The following ARSJ variants were observed in gnomAD, a reference collection of about 807,000 sequenced individuals.
ARSJ encodes arylsulfatase J.
In ARSJ, 26 loss-of-function variants were observed where a neutral mutation model predicts 35.9. The observed-to-expected ratio is 0.72, with a 90% confidence interval of 0.53 to 1.00. ARSJ has a LOEUF of 1.00. ARSJ is among the 50% of genes least tolerant of loss of function. ARSJ has a pLI of 0.00. For missense variants in ARSJ, 667 were observed against 723.6 expected (o/e 0.92, Z 0.90); for synonymous variants, 294 against 267.6 (o/e 1.10, Z -0.96).
intron 1 of ARSJ, among the ~76,000 whole-genome samples, chr4:113,932,026 C>G (rs1047947708): frequency 2.6e-5 from 4 of 151,956 alleles, no homozygotes; most frequent in Admixed American, 2.0e-4. Flanking sequence ...ATTCCATGCA[C>G]TAGAAACTTA....
chr4:113,927,367 T>G (rs34051606), intron 1 of ARSJ, among the ~76,000 whole-genome samples: 8,026 of 152,272 alleles, frequency 0.053, 348 homozygotes, highest in East Asian at 0.11. Flanking sequence ...ATAAGTTTAG[T>G]GTGTTTGCTA....
At position 113,902,832 on chromosome 4, in the gene ARSJ, G is replaced by A. The variant is rs118016084; in HGVS notation, c.1242C>T (p.Pro414=). Residue 414 remains proline (P), a synonymous_variant, in exon 2 of 2, where the codon CCC becomes CCT. Transcript: ENST00000315366. Reference sequence around the variant, plus strand: ...CAATGTTATGCAAAATATCTACTCGGGGTGAGCGAAGACCCTCACTTATGG... The same window carrying A: ...CAATGTTATGCAAAATATCTACTCGAGGTGAGCGAAGACCCTCACTTATGG... ...WETISEGLRS[P]RVDILHNIDP... The A allele has an allele frequency of 1.2e-4, 199 of 1,614,064 alleles. 2 individuals carry two copies. The East Asian group carries it at 3.4e-3, about 28-fold the overall frequency.
chr4:113,943,027 C>G (rs1183753202), intron 1 of ARSJ, among the ~76,000 whole-genome samples: 1 of 152,022 alleles, frequency 6.6e-6, no homozygotes, highest in Non-Finnish European at 1.5e-5. Flanking sequence ...CCCAATACAT[C>G]TCAAACCCAA....
chr4:113,920,107 G>A (rs547031997), intron 1 of ARSJ, among the ~76,000 whole-genome samples: 72 of 152,188 alleles, frequency 4.7e-4, no homozygotes, highest in African/African-American at 1.3e-3. Flanking sequence ...GGACCTTAGA[G>A]CTGACAGTTA....
Position 113,903,491 on chromosome 4 carries a change from T to C in ARSJ, c.583A>G (p.Thr195Ala). The change falls in exon 2 of 2, where the codon ACC becomes GCC. Residue 195 changes from threonine (T) to alanine (A), a missense_variant. Coordinates refer to ENST00000315366, the MANE Select transcript of ARSJ (RefSeq NM_024590.4). ...ECMPTRRGFDTFFGSLLGSGD... is the reference protein window; with the variant it reads ...ECMPTRRGFDAFFGSLLGSGD... ...CTTCCCAAAAGGGAACCAAAAAAGG[T>C]ATCAAATCCTCTTCTGGTGGGCATG... 1 of 1,614,140 alleles carries C rather than the reference T, an allele frequency of 6.2e-7. No individual in the cohort carries two copies. Among genetic ancestry groups the C allele is most frequent in the Non-Finnish European group, 8.5e-7 (1 of 1,180,026 alleles).
At chr4:113,922,388 A>G (rs1723738269) in intron 1 of ARSJ, among the ~76,000 whole-genome samples, 1 of 152,194 alleles carries the variant, frequency 6.6e-6, no homozygotes, top group Non-Finnish European at 1.5e-5. Context: ...TATTCTAATT[A>G]TTCTTTCATG....
At chr4:113,921,461 G>T (rs72893469) in intron 1 of ARSJ, among the ~76,000 whole-genome samples, 2,229 of 152,052 alleles carry the variant, frequency 0.015, 62 homozygotes, top group South Asian at 0.06. Flanking sequence ...CTGAGAAGGG[G>T]CAAAGGCTCT....
chr4:113,910,517 C>T (rs1290549482), intron 1 of ARSJ, among the ~76,000 whole-genome samples: 3 of 152,080 alleles, frequency 2.0e-5, no homozygotes, highest in African/African-American at 7.2e-5. Flanking sequence ...AATCAAATAT[C>T]ACTTGGATAT....
intron 1 of ARSJ, among the ~76,000 whole-genome samples, chr4:113,911,261 G>GT (rs1408651459): frequency 3.3e-5 from 5 of 152,190 alleles, no homozygotes; most frequent in African/African-American, 1.2e-4. Context: ...GTCTATAGAG[G>GT]TAAGTAGGTG....
At chr4:113,976,185 A>T (rs12504027) in intron 1 of ARSJ, among the ~76,000 whole-genome samples, 91,964 of 152,062 alleles carry the variant, frequency 0.6, 28,252 homozygotes, top group East Asian at 0.83. Context: ...TTGTTAATAG[A>T]ATCAAAAGTA....
At chr4:113,951,344 A>G (rs1382548404) in intron 1 of ARSJ, among the ~76,000 whole-genome samples, 1 of 152,006 alleles carries the variant, frequency 6.6e-6, no homozygotes, top group Non-Finnish European at 1.5e-5. Flanking sequence ...ATTTCAGCCA[A>G]TCCTCATGCT....
At chr4:113,960,566 G>A (rs1401776034) in intron 1 of ARSJ, among the ~76,000 whole-genome samples, 2 of 151,832 alleles carry the variant, frequency 1.3e-5, no homozygotes, top group African/African-American at 4.8e-5. Context: ...GCTATAATTT[G>A]TAGAAAAAAA....
At chr4:113,951,021 A>T (rs1429167118) in intron 1 of ARSJ, among the ~76,000 whole-genome samples, 1 of 152,106 alleles carries the variant, frequency 6.6e-6, no homozygotes, top group Non-Finnish European at 1.5e-5. Flanking sequence ...AAATGCTTGA[A>T]GAAACAAATA....
In ARSJ at chr4:113,969,319, C is replaced by A. The variant is rs1594515540; in HGVS notation, c.398+9118G>T. Among the ~76,000 whole-genome samples, 3 of 151,822 alleles carry A rather than the reference C, an allele frequency of 2.0e-5. No individual in the cohort carries two copies. The East Asian group carries it at 5.8e-4, about 29-fold the overall frequency. ...AACAATATCATGCAGAACACCATGCCAGATAAAATATATTAAAATTAAAAC... is the reference window on the plus strand; with the variant it reads ...AACAATATCATGCAGAACACCATGCAAGATAAAATATATTAAAATTAAAAC... On this transcript the variant is annotated intron_variant, in intron 1 of 1. Transcript: ENST00000315366.
chr4:113,963,344 AC>A (rs1199848122), intron 1 of ARSJ, among the ~76,000 whole-genome samples: 2 of 152,000 alleles, frequency 1.3e-5, no homozygotes, highest in Non-Finnish European at 2.9e-5. Context: ...TCACAGTTCC[AC>A]CTGGCTGGGG....
rs570722386 is a variant in ARSJ at position 113,936,159 on chromosome 4, C to T, written c.399-32484G>A. Reference sequence around the variant, plus strand: ...TATTGTTCATGTATTGTACAGTGCCCGATGCATAGTGTAACTCAAATGGTG... The same window carrying T: ...TATTGTTCATGTATTGTACAGTGCCTGATGCATAGTGTAACTCAAATGGTG... On this transcript the variant is annotated intron_variant, in intron 1 of 1. Transcript: ENST00000315366. 2.5e-3 allele frequency among the ~76,000 whole-genome samples: 384 copies of T among 151,814 alleles called. 3 individuals carry two copies. Among genetic ancestry groups the T allele is most frequent in the Non-Finnish European group, 4.1e-3 (278 of 67,874 alleles).
intron 1 of ARSJ, among the ~76,000 whole-genome samples, chr4:113,934,820 C>A (rs1208108084): frequency 2.0e-5 from 3 of 151,556 alleles, no homozygotes; most frequent in African/African-American, 7.3e-5. Flanking sequence ...TACTAGGTAT[C>A]AACAAAAAAA....
intron 1 of ARSJ, among the ~76,000 whole-genome samples, chr4:113,959,933 C>G (rs1726437454): frequency 1.3e-5 from 2 of 151,978 alleles, no homozygotes. Flanking sequence ...TCTAGTTTCT[C>G]TTGTCTTCAA....
chr4:113,954,294 T>C (rs1330419682), intron 1 of ARSJ, among the ~76,000 whole-genome samples: 1 of 152,068 alleles, frequency 6.6e-6, no homozygotes, highest in Non-Finnish European at 1.5e-5. Flanking sequence ...TTAAACTTAA[T>C]AATGTTTTCT....
Sources: gnomAD v4.1 joint callset for allele counts (sites outside exome capture counted in the v4.1 genomes callset) on GRCh38, gnomAD v4.1.1 for gene constraint, MANE v1.5 for transcripts, NCBI Gene and HGNC (gene_info 2026-07-23, HGNC 2026-07-21) for gene names.